The following LRRC37A2 variants were observed in gnomAD, a reference collection of about 807,000 sequenced individuals.
LRRC37A2 encodes leucine rich repeat containing 37 member A2, also known as leucine-rich repeat-containing protein 37A2.
In LRRC37A2, 9 loss-of-function variants were observed where a neutral mutation model predicts 68.8. The ratio of observed to expected loss-of-function variants is 0.13; its 90% CI spans 0.08 to 0.23. LRRC37A2 has a LOEUF of 0.23. Ranked by LOEUF, LRRC37A2 falls within the 10% of genes least tolerant of loss-of-function variation. The probability of loss-of-function intolerance (pLI) is 1.00; values close to 1 mark genes in which losing one functional copy is unlikely to be tolerated. For missense variants in LRRC37A2, 168 were observed against 950.4 expected (o/e 0.18, Z 10.82); for synonymous variants, 63 against 367.6 (o/e 0.17, Z 9.48).
the LRRC37A2 span, among the ~76,000 whole-genome samples, chr17:46,887,028 G>A: frequency 6.6e-6 from 1 of 152,128 alleles, no homozygotes; most frequent in Non-Finnish European, 1.5e-5. Context: ...TGTTGCCCAA[G>A]CTGGTCTCGA....
the LRRC37A2 span, among the ~76,000 whole-genome samples, chr17:46,737,857 G>A: frequency 2.0e-5 from 3 of 151,788 alleles, no homozygotes; most frequent in South Asian, 2.1e-4. Flanking sequence ...GAATTCAAGC[G>A]CTGCAGCAAT....
chr17:46,970,673 G>A, the LRRC37A2 span, among the ~76,000 whole-genome samples: 13 of 152,142 alleles, frequency 8.5e-5, no homozygotes, highest in East Asian at 1.2e-3. Context: ...CACTGGAGCC[G>A]CTCCACTCAC....
chr17:46,978,874 A>G, the LRRC37A2 span: 1 of 1,563,124 alleles, frequency 6.4e-7, no homozygotes. Context: ...GCTGGCGGCC[A>G]GCGGTGCGCC....
chr17:46,766,406 CAAAAAA>C, the LRRC37A2 span, among the ~76,000 whole-genome samples: 1 of 126,928 alleles, frequency 7.9e-6, no homozygotes, highest in Non-Finnish European at 1.7e-5. Flanking sequence ...GACTCAGTCT[CAAAAAA>C]AAAAAAAAAG....
the LRRC37A2 span, chr17:46,830,589 C>T: frequency 5.0e-6 from 2 of 398,472 alleles, no homozygotes; most frequent in Admixed American, 4.4e-5. Flanking sequence ...CATGGCATAA[C>T]CAAAATATTT....
the LRRC37A2 span, among the ~76,000 whole-genome samples, chr17:46,837,154 G>C: frequency 6.6e-6 from 1 of 152,156 alleles, no homozygotes; most frequent in Non-Finnish European, 1.5e-5. Flanking sequence ...TGTTGGCCAG[G>C]CTGGTCTTGA....
chr17:46,832,971 T>C, the LRRC37A2 span: 1 of 206,960 alleles, frequency 4.8e-6, no homozygotes. Context: ...GGCTCCTGGT[T>C]CTTGTCACGG....
chr17:46,775,775 G>A, the LRRC37A2 span, among the ~76,000 whole-genome samples: 967 of 151,852 alleles, frequency 6.4e-3, 14 homozygotes, highest in African/African-American at 0.021. Flanking sequence ...CACCACGCCC[G>A]GCTAATTTTT....
chr17:46,394,563 A>T, the LRRC37A2 span, among the ~76,000 whole-genome samples: 1 of 61,660 alleles, frequency 1.6e-5, no homozygotes, highest in East Asian at 2.6e-4. Flanking sequence ...GTCCATAGGG[A>T]ATTACAAATC....
At chr17:46,945,892 C>A in the LRRC37A2 span, among the ~76,000 whole-genome samples, 2 of 152,156 alleles carry the variant, frequency 1.3e-5, no homozygotes. Context: ...GGGTGCTGTC[C>A]AAATTATTGT....
At chr17:46,498,613 GAAGA>G in the LRRC37A2 span, among the ~76,000 whole-genome samples, 1 of 142,364 alleles carries the variant, frequency 7.0e-6, no homozygotes, top group Non-Finnish European at 1.5e-5. Context: ...AAAAGAAAAA[GAAGA>G]AAGACATTTT....
the LRRC37A2 span, among the ~76,000 whole-genome samples, chr17:46,826,121 A>G: frequency 6.6e-6 from 1 of 152,262 alleles, no homozygotes; most frequent in Non-Finnish European, 1.5e-5. Flanking sequence ...TTAGGGAGAT[A>G]GAATAGAACA....
At chr17:46,952,181 C>G in the LRRC37A2 span, among the ~76,000 whole-genome samples, 2 of 152,148 alleles carry the variant, frequency 1.3e-5, no homozygotes, top group African/African-American at 4.8e-5. Flanking sequence ...AAATCCTTAT[C>G]CCCTTCTGCT....
At chr17:47,000,063 T>TAA in the LRRC37A2 span, among the ~76,000 whole-genome samples, 58 of 17,682 alleles carry the variant, frequency 3.3e-3, 3 homozygotes, top group Middle Eastern at 0.024. Context: ...TAAAATAAAA[T>TAA]TAAAATAAAA....
At chr17:46,873,520 T>C in the LRRC37A2 span, among the ~76,000 whole-genome samples, 1 of 152,154 alleles carries the variant, frequency 6.6e-6, no homozygotes, top group East Asian at 1.9e-4. Flanking sequence ...CGGGTGGGTC[T>C]CCCTGTCAAT....
chr17:46,720,281 T>A, the LRRC37A2 span, among the ~76,000 whole-genome samples: 1 of 152,198 alleles, frequency 6.6e-6, no homozygotes, highest in Non-Finnish European at 1.5e-5. Flanking sequence ...GGGCATTTGT[T>A]GTTGTTTTGT....
chr17:46,876,111 A>C, the LRRC37A2 span: 1 of 797,336 alleles, frequency 1.3e-6, no homozygotes, highest in Non-Finnish European at 2.0e-6. Flanking sequence ...GGCCAAGGGG[A>C]GGAGCTGGGG....
the LRRC37A2 span, among the ~76,000 whole-genome samples, chr17:46,749,409 ATTCAT>A: frequency 6.6e-6 from 1 of 152,196 alleles, no homozygotes; most frequent in East Asian, 1.9e-4. Context: ...CATACTTTCT[ATTCAT>A]TTCATCTTTT....
At chr17:46,818,652 G>T in the LRRC37A2 span, 3 of 1,464,000 alleles carry the variant, frequency 2.0e-6, no homozygotes, top group Non-Finnish European at 2.8e-6. Flanking sequence ...GGGGAGCGAC[G>T]CCCCCAATAG....
Sources: allele counts gnomAD v4.1 joint callset (sites outside exome capture counted in the v4.1 genomes callset), GRCh38; gene constraint gnomAD v4.1.1; transcripts MANE v1.5; gene names NCBI Gene and HGNC (gene_info 2026-07-23, HGNC 2026-07-21).